The following NALCN variants were observed in gnomAD, a reference collection of about 807,000 sequenced individuals.
NALCN encodes sodium leak channel, non-selective, also known as sodium leak channel NALCN.
A neutral mutation model predicts 225.3 loss-of-function variants in NALCN; 111 were observed. That is an observed-to-expected ratio of 0.49 (90% CI 0.42 to 0.58). The LOEUF (loss-of-function observed/expected upper bound fraction) is 0.58, where lower values mean the gene tolerates loss of function less well. Among genes scored for constraint, NALCN ranks in the 20% least tolerant of loss-of-function variants. NALCN has a pLI of 0.00. For missense variants in NALCN, 1,378 were observed against 2,202.4 expected (o/e 0.63, Z 7.49); for synonymous variants, 764 against 769.0 (o/e 0.99, Z 0.11).
chr13:101,275,152 G>A (rs1214748740), intron 10 of NALCN, among the ~76,000 whole-genome samples: 1 of 152,124 alleles, frequency 6.6e-6, no homozygotes, highest in Non-Finnish European at 1.5e-5. Context: ...TTTTTTCCCA[G>A]TGCACCTTCA....
rs749401756 is a variant in NALCN at position 101,104,450 on chromosome 13, G to A, written c.2758-24C>T. On this transcript the variant is annotated intron_variant, in intron 24 of 43. Transcript: ENST00000251127. The surrounding 1 kb of genome is among the most constrained non-coding windows in gnomAD (Gnocchi z 4.2). ...ATCTGAAACGGGCAAAAGGCAGTTT[G>A]GTTACAATGAACGGAAAAACAGCAG... 1 of 1,612,402 alleles carries A rather than the reference G, an allele frequency of 6.2e-7. No homozygotes were observed. The highest frequency in any genetic ancestry group is 1.3e-5 in the African/African-American group (1 of 74,868).
chr13:101,061,867 A>C, intron 41 of NALCN, 101 bp downstream of exon 41: 4 of 1,093,664 alleles, frequency 3.7e-6, no homozygotes, highest in Non-Finnish European at 5.2e-6. Flanking sequence ...TGATCACAGA[A>C]GGAGCTAATC....
intron 6 of NALCN, among the ~76,000 whole-genome samples, chr13:101,372,658 C>T (rs2390622): frequency 1.3e-5 from 2 of 151,944 alleles, no homozygotes; most frequent in African/African-American, 4.8e-5. Flanking sequence ...TACAACATAT[C>T]AACATTTTGG....
intron 15 of NALCN, among the ~76,000 whole-genome samples, chr13:101,158,574 G>C (rs2038016203): frequency 6.6e-6 from 1 of 152,186 alleles, no homozygotes; most frequent in Non-Finnish European, 1.5e-5. Flanking sequence ...CTGACTTTCA[G>C]AACTGTCTAT....
rs1566824724 is a variant in NALCN at position 101,110,665 on chromosome 13, C to T, written c.2318G>A (p.Ser773Asn). 6.2e-7 allele frequency: 1 copy of T among 1,614,106 alleles called. No individual in the cohort carries two copies. The highest frequency in any genetic ancestry group is 1.7e-5 in the Admixed American group (1 of 60,026). Residue 773 changes from serine (S) to asparagine (N), a missense_variant, in exon 20 of 44, where the codon AGC becomes AAC. Around this residue, in one of 19 missense-constraint regions of NALCN, gnomAD observed 66 missense variants for 85.7 expected, o/e 0.77. Coordinates refer to ENST00000251127, the MANE Select transcript of NALCN (RefSeq NM_052867.4). ...AGATTTTCCCCTGCTGATCCTCTGGCTGTTTGATCCATGTCTTAGTGACCT... is the reference window on the plus strand; with the variant it reads ...AGATTTTCCCCTGCTGATCCTCTGGTTGTTTGATCCATGTCTTAGTGACCT... ...ERRSLRHGSN[S>N]QRISRGKSLE...
chr13:101,409,991 C>T (rs977068626), intron 1 of NALCN, among the ~76,000 whole-genome samples: 14 of 152,050 alleles, frequency 9.2e-5, no homozygotes, highest in Admixed American at 5.2e-4. Flanking sequence ...ATGGGACTAG[C>T]GAATCTATAA....
intron 7 of NALCN, among the ~76,000 whole-genome samples, chr13:101,342,510 T>C (rs2045588629): frequency 6.6e-6 from 1 of 152,160 alleles, no homozygotes; most frequent in Non-Finnish European, 1.5e-5. Context: ...ACAATCAGCC[T>C]TTGCTCTGAT....
In NALCN at chr13:101,376,628, T is replaced by C. The variant is rs996864662; in HGVS notation, c.644+72A>G. On this transcript the variant is annotated intron_variant, in intron 6 of 43. Coordinates refer to ENST00000251127, the MANE Select transcript of NALCN (RefSeq NM_052867.4). ...TGTTTAAAAAATCTGACATAGAGGTTATTCTTATGAAAATTACAGAGATAT... is the reference window on the plus strand; with the variant it reads ...TGTTTAAAAAATCTGACATAGAGGTCATTCTTATGAAAATTACAGAGATAT... 1.3e-6 allele frequency: 2 copies of C among 1,502,536 alleles called. 1 individual carries two copies. The highest frequency in any genetic ancestry group is 2.7e-5 in the South Asian group (2 of 74,370). The allele number at this position is 1,502,536 out of a possible 1,614,324, so 93.1% of individuals were successfully genotyped here.
intron 1 of NALCN, among the ~76,000 whole-genome samples, chr13:101,400,448 C>A (rs2047434674): frequency 6.6e-6 from 1 of 152,040 alleles, no homozygotes; most frequent in Non-Finnish European, 1.5e-5. Context: ...GGTTCACTGG[C>A]TCTCCTATCT....
chr13:101,135,736 T>C (rs2036752667), intron 17 of NALCN, among the ~76,000 whole-genome samples: 1 of 152,158 alleles, frequency 6.6e-6, no homozygotes. Flanking sequence ...CTCAACACCA[T>C]CATCAGCAAC....
intron 10 of NALCN, among the ~76,000 whole-genome samples, chr13:101,267,963 A>T (rs1431874472): frequency 6.6e-6 from 1 of 152,170 alleles, no homozygotes; most frequent in Non-Finnish European, 1.5e-5. Context: ...AAGTGGAGCA[A>T]TGTGATTGGT....
chr13:101,062,962 A>C (rs1416588088), intron 40 of NALCN, among the ~76,000 whole-genome samples: 1 of 152,210 alleles, frequency 6.6e-6, no homozygotes, highest in Non-Finnish European at 1.5e-5. Flanking sequence ...ACTCCCATTT[A>C]ACCCTTGACA....
At chr13:101,069,424 G>A (rs2032680776) in intron 37 of NALCN, among the ~76,000 whole-genome samples, 4 of 152,324 alleles carry the variant, frequency 2.6e-5, no homozygotes, top group African/African-American at 7.2e-5. Context: ...TACTTTTATT[G>A]CTAAGAAAAG....
intron 1 of NALCN, among the ~76,000 whole-genome samples, chr13:101,411,507 C>G (rs762706805): frequency 9.2e-5 from 14 of 152,016 alleles, no homozygotes; most frequent in Non-Finnish European, 1.8e-4. Context: ...ACCATCACAC[C>G]TAGCTAATTT....
intron 6 of NALCN, among the ~76,000 whole-genome samples, chr13:101,363,061 T>C (rs989201027): frequency 6.6e-6 from 1 of 152,040 alleles, no homozygotes; most frequent in Admixed American, 6.6e-5. Flanking sequence ...CAATGAAAAC[T>C]ATAACACTCT....
At chr13:101,188,575 T>C (rs1454783472) in intron 14 of NALCN, among the ~76,000 whole-genome samples, 4 of 151,414 alleles carry the variant, frequency 2.6e-5, no homozygotes, top group Non-Finnish European at 5.9e-5. Context: ...TACACACACA[T>C]ATATATACAT....
chr13:101,168,902 A>G (rs931456837), intron 15 of NALCN, among the ~76,000 whole-genome samples: 2 of 152,154 alleles, frequency 1.3e-5, no homozygotes, highest in Admixed American at 1.3e-4. Flanking sequence ...AAGACTCTGC[A>G]GTTCCCTTGG....
At chr13:101,067,334 A>G (rs1594131301) in intron 39 of NALCN, among the ~76,000 whole-genome samples, 1 of 53,542 alleles carries the variant, frequency 1.9e-5, no homozygotes, top group Non-Finnish European at 3.3e-5. Context: ...AGGAGGGGGA[A>G]GAAGAGGGGG....
chr13:101,175,145 C>T (rs914951017), intron 15 of NALCN, among the ~76,000 whole-genome samples: 1 of 152,158 alleles, frequency 6.6e-6, no homozygotes, highest in Non-Finnish European at 1.5e-5. Context: ...TCTAGCAGAG[C>T]CGGGAAGATG....
Sources: allele counts gnomAD v4.1 joint callset (sites outside exome capture counted in the v4.1 genomes callset), GRCh38; gene constraint gnomAD v4.1.1; regional missense constraint gnomAD v4.1.1; non-coding constraint Gnocchi (gnomAD v3.1); transcripts MANE v1.5; gene names NCBI Gene and HGNC (gene_info 2026-07-23, HGNC 2026-07-21).